BDNF: variants seen among roughly 807,000 people sequenced by gnomAD.
BDNF encodes the protein neurotrophic factor BDNF precursor form.
In BDNF, 1 loss-of-function variant was observed where a neutral mutation model predicts 19.5. The ratio of observed to expected loss-of-function variants is 0.05; its 90% CI spans 0.02 to 0.24. The LOEUF (loss-of-function observed/expected upper bound fraction) is 0.24, where lower values mean the gene tolerates loss of function less well. Ranked by LOEUF, BDNF falls within the 10% of genes least tolerant of loss-of-function variation. The probability of loss-of-function intolerance (pLI) is 1.00; values close to 1 mark genes in which losing one functional copy is unlikely to be tolerated. For missense variants in BDNF, 195 were observed against 317.6 expected, an observed-to-expected ratio of 0.61 and a Z score of 2.93; for synonymous variants, 100 against 121.6, an observed-to-expected ratio of 0.82 and a Z score of 1.17.
intron 1 of BDNF, among the ~76,000 whole-genome samples, chr11:27,672,450 T>C (rs1466226823): frequency 6.6e-6 from 1 of 152,092 alleles, no homozygotes; most frequent in Non-Finnish European, 1.5e-5. Context: ...CTTTCGTCCT[T>C]AATGGTGAAA....
intron 1 of BDNF, among the ~76,000 whole-genome samples, chr11:27,680,444 C>T (rs917874425): frequency 8.5e-5 from 13 of 152,190 alleles, no homozygotes; most frequent in Admixed American, 2.6e-4. Flanking sequence ...TCAACATTAG[C>T]GAGCCTCTGG....
At chr11:27,718,936 C>A (rs573414798) in intron 1 of BDNF, among the ~76,000 whole-genome samples, 32 of 152,206 alleles carry the variant, frequency 2.1e-4, no homozygotes, top group African/African-American at 7.7e-4. Context: ...CCAGAACGAC[C>A]AAACCCTGGG....
chr11:27,712,003 G>T (rs924362620), intron 1 of BDNF, among the ~76,000 whole-genome samples: 1 of 152,174 alleles, frequency 6.6e-6, no homozygotes, highest in Non-Finnish European at 1.5e-5. Flanking sequence ...TAGAGTAATA[G>T]CAAGCTCAGT....
chr11:27,684,332 C>T (rs1857207965), intron 1 of BDNF, among the ~76,000 whole-genome samples: 1 of 152,160 alleles, frequency 6.6e-6, no homozygotes, highest in Non-Finnish European at 1.5e-5. Context: ...AATATACAAT[C>T]ATGTCATCTG....
intron 1 of BDNF, among the ~76,000 whole-genome samples, chr11:27,716,462 C>CAT (rs1860519696): frequency 6.6e-6 from 1 of 150,562 alleles, no homozygotes; most frequent in Non-Finnish European, 1.5e-5. Context: ...CACAGACACA[C>CAT]ACACACACAC....
chr11:27,693,644 C>T lies in BDNF; in HGVS notation c.-22+6520G>A, dbSNP rs1019801110. Among the ~76,000 whole-genome samples the T allele has an allele frequency of 1.4e-4, 21 of 152,280 alleles. 2 individuals are homozygous for T. The highest frequency in any genetic ancestry group is 7.2e-4 in the Admixed American group (11 of 15,302). ...GCCTGGGACTCCGCCAAGCATCTCT[C>T]TCCAGCAAAATGACTGCAAATTTCT... On this transcript the variant is annotated intron_variant, in intron 1 of 1. Transcript: ENST00000356660.
chr11:27,658,760 T>C lies in BDNF; in HGVS notation c.-21-175A>G. ...ACAAATCAGTGTCAGTAGTGTGCTG[T>C]ATGTGGTTTAATATAAACCAGAGAC... On this transcript the variant is annotated intron_variant, in intron 1 of 1. Coordinates refer to ENST00000356660, the MANE Select transcript of BDNF (RefSeq NM_001709.5). This position sits in a 1 kb window ranked among gnomAD's most constrained non-coding sequence, Gnocchi z 5.7. 2 of 1,493,756 alleles carry C rather than the reference T, an allele frequency of 1.3e-6. No homozygotes were observed. The highest frequency in any genetic ancestry group is 1.8e-6 in the Non-Finnish European group (2 of 1,123,870). The allele number at this position is 1,493,756 out of a possible 1,614,324, so 92.5% of individuals were successfully genotyped here.
intron 1 of BDNF, among the ~76,000 whole-genome samples, chr11:27,679,711 A>G (rs1246128904): frequency 6.6e-6 from 1 of 152,182 alleles, no homozygotes; most frequent in Non-Finnish European, 1.5e-5. Flanking sequence ...AAGATCAAAA[A>G]CAATTCTTAA....
chr11:27,670,675 C>T (rs954525607), intron 1 of BDNF, among the ~76,000 whole-genome samples: 1 of 152,120 alleles, frequency 6.6e-6, no homozygotes, highest in African/African-American at 2.4e-5. Context: ...TCATCACTGG[C>T]CATCAGAGAA....
At chr11:27,678,189 G>A (rs757381169) in intron 1 of BDNF, among the ~76,000 whole-genome samples, 9 of 152,148 alleles carry the variant, frequency 5.9e-5, no homozygotes, top group South Asian at 2.1e-4. Context: ...ATGAGGACAC[G>A]TATACACACC....
At chr11:27,711,973 G>T (rs932355787) in intron 1 of BDNF, among the ~76,000 whole-genome samples, 1 of 152,130 alleles carries the variant, frequency 6.6e-6, no homozygotes, top group Non-Finnish European at 1.5e-5. Flanking sequence ...GGTTGTGCTG[G>T]TGATGCTAAA....
chr11:27,687,908 G>A (rs1177035904), intron 1 of BDNF, among the ~76,000 whole-genome samples: 1 of 152,200 alleles, frequency 6.6e-6, no homozygotes, highest in Admixed American at 6.5e-5. Context: ...TAAGAAGGCA[G>A]TCTGTCCCTT....
At chr11:27,685,795 T>G (rs1459518526) in intron 1 of BDNF, among the ~76,000 whole-genome samples, 3 of 152,354 alleles carry the variant, frequency 2.0e-5, no homozygotes, top group Admixed American at 6.5e-5. Flanking sequence ...CTTTTGCATT[T>G]GCTGAGGAGT....
At chr11:27,701,718 A>G, upstream of BDNF, 1 of 609,426 alleles carries the variant, frequency 1.6e-6, no homozygotes, top group Non-Finnish European at 2.1e-6. Context: ...ACTCTAGTGC[A>G]CGAATTACCA....
intron 1 of BDNF, among the ~76,000 whole-genome samples, chr11:27,713,861 C>T (rs1237149089): frequency 6.6e-6 from 1 of 152,188 alleles, no homozygotes; most frequent in Non-Finnish European, 1.5e-5. Context: ...CAGCTTTCTC[C>T]CAGCTTCAGG....
At chr11:27,687,488 A>C (rs1056474078) in intron 1 of BDNF, among the ~76,000 whole-genome samples, 1 of 152,202 alleles carries the variant, frequency 6.6e-6, no homozygotes, top group African/African-American at 2.4e-5. Flanking sequence ...GAGAAGAGGC[A>C]TTCTGGTTTT....
At chr11:27,677,948 G>GT (rs1216155909) in intron 1 of BDNF, 1 of 152,112 alleles carries the variant, frequency 6.6e-6, no homozygotes. Flanking sequence ...TGCCATCTCA[G>GT]TTTTGGAGAT....
chr11:27,656,941 A>C lies in BDNF; in HGVS notation c.*880T>G. On this transcript the variant is annotated 3_prime_UTR_variant, in exon 2 of 2. Coordinates refer to ENST00000356660, the MANE Select transcript of BDNF (RefSeq NM_001709.5). ...TTTTCTTCCTTAAAACAAAACAAAG[A>C]GGAGACCAGAGGGGGAGGGGGGGAA... 1 of 985,344 alleles carries C rather than the reference A, an allele frequency of 1.0e-6. No individual in the cohort carries two copies. Among genetic ancestry groups the C allele is most frequent in the Non-Finnish European group, 1.2e-6 (1 of 829,926 alleles). The allele number at this position is 985,344 out of a possible 1,614,324, so 61.0% of individuals were successfully genotyped here. A position where few individuals can be genotyped will look rare whatever the true frequency, so the allele number is the denominator to read the frequency against.
upstream of BDNF, among the ~76,000 whole-genome samples, chr11:27,701,933 G>T (rs1486881287): frequency 6.6e-6 from 1 of 152,080 alleles, no homozygotes; most frequent in Non-Finnish European, 1.5e-5. Flanking sequence ...ATTCGAGGGT[G>T]GGGGCAGAAC....
Sources: gnomAD v4.1 joint callset for allele counts (sites outside exome capture counted in the v4.1 genomes callset) on GRCh38, gnomAD v4.1.1 for gene constraint, Gnocchi (gnomAD v3.1) non-coding constraint, MANE v1.5 for transcripts, NCBI Gene and HGNC (gene_info 2026-07-23, HGNC 2026-07-21) for gene names.